KCNN1: variants seen among roughly 807,000 people sequenced by gnomAD.
The protein encoded by KCNN1 is small conductance calcium-activated potassium channel protein 1.
Under a neutral mutation model 44.7 loss-of-function variants are expected in KCNN1, and 20 were observed. That is an observed-to-expected ratio of 0.45 (90% CI 0.32 to 0.65). The LOEUF (loss-of-function observed/expected upper bound fraction) is 0.65, where lower values mean the gene tolerates loss of function less well. Among genes scored for constraint, KCNN1 ranks in the 30% least tolerant of loss-of-function variants. The probability of loss-of-function intolerance (pLI) is 0.05; values close to 1 mark genes in which losing one functional copy is unlikely to be tolerated. For missense variants in KCNN1, 632 were observed against 785.3 expected (o/e 0.80, Z 2.33); for synonymous variants, 324 against 341.7 (o/e 0.95, Z 0.57).
upstream of KCNN1, among the ~76,000 whole-genome samples, chr19:17,963,237 TCTCCTGAC>T (rs1458517260): frequency 6.7e-6 from 1 of 150,058 alleles, no homozygotes; most frequent in African/African-American, 2.5e-5. Context: ...ATGGTCTCGA[TCTCCTGAC>T]CTCGTGATCC....
intron 5 of KCNN1, 143 bp downstream of exon 5, chr19:17,985,596 C>A: frequency 1.2e-5 from 8 of 691,908 alleles, no homozygotes; most frequent in Non-Finnish European, 1.8e-5. Flanking sequence ...GTCAGTCCAC[C>A]CCTCCCCTGC....
In KCNN1 at chr19:17,992,660, G is replaced by A. The variant is rs139180849; in HGVS notation, c.1299-394G>A. 4.2e-3 allele frequency among the ~76,000 whole-genome samples: 646 copies of A among 152,280 alleles called. 7 individuals carry two copies. The highest frequency in any genetic ancestry group is 0.014 in the African/African-American group (576 of 41,560). Reference sequence around the variant, plus strand: ...GCATACACTAACCAACTCCCCCTGCGGCCAGCTGTCCAGAGACCAGGGTCA... The same window carrying A: ...GCATACACTAACCAACTCCCCCTGCAGCCAGCTGTCCAGAGACCAGGGTCA... On this transcript the variant is annotated intron_variant, in intron 7 of 9. Coordinates refer to ENST00000684775, the MANE Select transcript of KCNN1 (RefSeq NM_001386974.1).
rs1420632292 is a variant in KCNN1, at chr19:17,983,393, TG to T, written c.917+1269del. Reference sequence around the variant, plus strand: ...CCCCCATACTCCCACGGGCCCTGCCTGGGCATGAGGCCTGGCTCTCAGGGAT... The same window carrying T: ...CCCCCATACTCCCACGGGCCCTGCCTGGCATGAGGCCTGGCTCTCAGGGAT... On this transcript the variant is annotated intron_variant, in intron 4 of 9. Transcript: ENST00000684775. The surrounding 1 kb of genome is among the most constrained non-coding windows in gnomAD (Gnocchi z 4.5). 6.7e-6 allele frequency among the ~76,000 whole-genome samples: 1 copy of T among 149,940 alleles called. No homozygotes were observed. Among genetic ancestry groups the T allele is most frequent in the Non-Finnish European group, 1.5e-5 (1 of 67,434 alleles).
intron 1 of KCNN1, among the ~76,000 whole-genome samples, chr19:17,972,759 G>A (rs953032076): frequency 2.0e-5 from 3 of 152,242 alleles, no homozygotes; most frequent in Admixed American, 6.5e-5. Flanking sequence ...AAGGTTGGAA[G>A]AGGATGAGCT....
intron 5 of KCNN1, among the ~76,000 whole-genome samples, chr19:17,986,869 C>G (rs1283738259): frequency 6.6e-6 from 1 of 152,080 alleles, no homozygotes; most frequent in South Asian, 2.1e-4. Context: ...TGCAACGGCA[C>G]GATCCCAGCT....
chr19:17,975,466 G>A (rs1245307546), intron 3 of KCNN1, among the ~76,000 whole-genome samples: 1 of 152,222 alleles, frequency 6.6e-6, no homozygotes, highest in African/African-American at 2.4e-5. Context: ...TTGTTTCCAG[G>A]CTGGAGTGCA....
intron 4 of KCNN1, among the ~76,000 whole-genome samples, chr19:17,984,542 A>G (rs1435888239): frequency 6.6e-6 from 1 of 152,164 alleles, no homozygotes; most frequent in Non-Finnish European, 1.5e-5. Flanking sequence ...GAAAAAGGCC[A>G]AGGGGATTTG....
At position 17,974,358 on chromosome 19, in the gene KCNN1, G is replaced by A; in HGVS notation, c.402+68G>A. The A allele has an allele frequency of 6.8e-7, 1 of 1,479,910 alleles. No individual in the cohort carries two copies. The highest frequency in any genetic ancestry group is 8.9e-7 in the Non-Finnish European group (1 of 1,118,830). 91.7% of individuals were successfully genotyped at this position (1,479,910 alleles called of 1,614,324 possible). The stretch of plus-strand genomic sequence containing the variant: ...AAGCCCGCCTAGCTTTCTTGACATG[G>A]GGTTGGGGGTGGCAGGGCCCCCCGG... On this transcript the variant is annotated intron_variant, in intron 2 of 9. Coordinates refer to ENST00000684775, the MANE Select transcript of KCNN1 (RefSeq NM_001386974.1). The surrounding 1 kb of genome is among the most constrained non-coding windows in gnomAD (Gnocchi z 7.3).
rs1188854745 is a variant in KCNN1 at position 17,998,820 on chromosome 19, G to GCCTAGCCTAGAAT, written c.*427_*439dup. The GCCTAGCCTAGAAT allele has an allele frequency of 1.2e-5, 2 of 161,620 alleles. No individual in the cohort carries two copies. Among genetic ancestry groups the GCCTAGCCTAGAAT allele is most frequent in the Non-Finnish European group, 2.7e-5 (2 of 74,552 alleles). The allele number at this position is 161,620 out of a possible 1,614,324, so 10.0% of individuals were successfully genotyped here. On this transcript the variant is annotated 3_prime_UTR_variant, in exon 10 of 10. Coordinates refer to ENST00000684775, the MANE Select transcript of KCNN1 (RefSeq NM_001386974.1). This position sits in a 1 kb window ranked among gnomAD's most constrained non-coding sequence, Gnocchi z 5.4. Reference sequence around the variant, plus strand: ...TCAGAAAAACCTGTTCCCATCACCGGCCTAGCCTAGAATCCTAGCCTAGAA... The same window carrying GCCTAGCCTAGAAT: ...TCAGAAAAACCTGTTCCCATCACCGGCCTAGCCTAGAATCCTAGCCTAGAATCCTAGCCTAGAA...
rs371286078 is a variant in KCNN1 at position 17,989,330 on chromosome 19, C to T, written c.1171-386C>T. 1.2e-4 allele frequency among the ~76,000 whole-genome samples: 18 copies of T among 152,194 alleles called. No individual in the cohort carries two copies. The East Asian group carries it at 1.9e-3, about 16-fold the overall frequency. On this transcript the variant is annotated intron_variant, in intron 6 of 9. Transcript: ENST00000684775. ...AAAATTAGCTGAGCGTGATCGCAGG[C>T]GCCTGTAATCCCAGCTACTAGGGAG...
chr19:17,956,844 G>C (rs1342108879), intron 2 of KCNN1, among the ~76,000 whole-genome samples: 1 of 151,728 alleles, frequency 6.6e-6, no homozygotes, highest in East Asian at 1.9e-4. Context: ...ATGAGGTCTG[G>C]GGATAGAGAC....
At chr19:17,994,764 G>T (rs1030980912) in intron 9 of KCNN1, among the ~76,000 whole-genome samples, 1 of 152,122 alleles carries the variant, frequency 6.6e-6, no homozygotes, top group African/African-American at 2.4e-5. Context: ...GCCTGGTCTC[G>T]AACTCCTGAC....
chr19:17,966,063 T>G (rs905797596), upstream of KCNN1, among the ~76,000 whole-genome samples: 3 of 151,084 alleles, frequency 2.0e-5, no homozygotes, highest in African/African-American at 4.9e-5. Context: ...CTTCCTTCCT[T>G]CCTTCCTTCC....
chr19:17,961,675 A>C (rs1349955127), intron 2 of KCNN1, among the ~76,000 whole-genome samples: 1 of 147,350 alleles, frequency 6.8e-6, no homozygotes, highest in Non-Finnish European at 1.5e-5. Context: ...TCTGCCTCCC[A>C]GGTTCAAGCA....
upstream of KCNN1, among the ~76,000 whole-genome samples, chr19:17,962,347 C>T (rs928644460): frequency 6.6e-6 from 1 of 152,146 alleles, no homozygotes; most frequent in Non-Finnish European, 1.5e-5. Flanking sequence ...TGGGGAGAAC[C>T]GGGAAGGATC....
intron 9 of KCNN1, among the ~76,000 whole-genome samples, chr19:17,995,589 T>C (rs1232691049): frequency 6.6e-6 from 1 of 152,050 alleles, no homozygotes; most frequent in Non-Finnish European, 1.5e-5. Context: ...CCATATAACT[T>C]CTTTTTTTCT....
intron 1 of KCNN1, among the ~76,000 whole-genome samples, chr19:17,968,005 C>T (rs1015563176): frequency 2.2e-4 from 33 of 147,016 alleles, no homozygotes; most frequent in Non-Finnish European, 4.6e-4. Context: ...CTGGGCGGCC[C>T]ATGGGACGGG....
At chr19:17,973,436 A>G (rs891437206) in intron 1 of KCNN1, among the ~76,000 whole-genome samples, 8 of 152,088 alleles carry the variant, frequency 5.3e-5, no homozygotes, top group Admixed American at 2.0e-4. Context: ...ATGCACCACT[A>G]CGCCTGGCTA....
chr19:17,985,516 C>T, intron 5 of KCNN1, 63 bp downstream of exon 5: 1 of 1,436,014 alleles, frequency 7.0e-7, no homozygotes, highest in South Asian at 1.4e-5. Flanking sequence ...CTCCACCAGC[C>T]CTTGCATACC....
Sources: allele counts gnomAD v4.1 joint callset (sites outside exome capture counted in the v4.1 genomes callset), GRCh38; gene constraint gnomAD v4.1.1; non-coding constraint Gnocchi (gnomAD v3.1); transcripts MANE v1.5; gene names NCBI Gene and HGNC (gene_info 2026-07-23, HGNC 2026-07-21).